Variants in LARS2 observed in about 807,000 individuals in gnomAD.
The protein encoded by LARS2 is leucine--tRNA ligase, mitochondrial.
Under a neutral mutation model 116.6 loss-of-function variants are expected in LARS2, and 81 were observed. The ratio of observed to expected loss-of-function variants is 0.69; its 90% CI spans 0.58 to 0.84. The LOEUF (loss-of-function observed/expected upper bound fraction) is 0.84. Among genes scored for constraint, LARS2 ranks in the 40% least tolerant of loss-of-function variants. LARS2 has a pLI of 0.00. For synonymous variants in LARS2, 396 were observed against 407.2 expected (o/e 0.97, Z 0.33); for missense variants, 968 against 1,114.5 (o/e 0.87, Z 1.87).
Position 45,440,569 on chromosome 3 carries a change from C to A in LARS2, c.517-6322C>A, listed in dbSNP as rs146079378. Among the ~76,000 whole-genome samples the A allele has an allele frequency of 7.7e-3, 1,142 of 149,090 alleles. 56 individuals carry two copies. The highest frequency in any genetic ancestry group is 0.064 in the Admixed American group (957 of 14,974). Reference sequence around the variant, plus strand: ...ATGATTGACTTGATAAACATGTTGCCTCGGGTTTTTTGTTTTGTTTTGTTT... The same window carrying A: ...ATGATTGACTTGATAAACATGTTGCATCGGGTTTTTTGTTTTGTTTTGTTT... On this transcript the variant is annotated intron_variant, in intron 6 of 21. Coordinates refer to ENST00000645846, the MANE Select transcript of LARS2 (RefSeq NM_015340.4).
intron 6 of LARS2, among the ~76,000 whole-genome samples, chr3:45,444,171 A>ATT (rs71095037): frequency 0.45 from 59,057 of 131,966 alleles, 15,837 homozygotes; most frequent in East Asian, 0.69. Context: ...TTCCTGGCTA[A>ATT]TTTTTTTTTT....
chr3:45,411,704 T>A (rs907794079), intron 4 of LARS2, among the ~76,000 whole-genome samples: 4 of 152,250 alleles, frequency 2.6e-5, no homozygotes, highest in East Asian at 1.9e-4. Context: ...TTAACTTTTT[T>A]AAAAAATTTA....
At chr3:45,442,647 G>C (rs977046526) in intron 6 of LARS2, among the ~76,000 whole-genome samples, 1 of 152,086 alleles carries the variant, frequency 6.6e-6, no homozygotes, top group Non-Finnish European at 1.5e-5. Flanking sequence ...GTTGGTCTCC[G>C]AGTTGGTAGA....
chr3:45,425,306 T>C (rs751184411), intron 6 of LARS2, among the ~76,000 whole-genome samples: 6 of 152,206 alleles, frequency 3.9e-5, no homozygotes, highest in Non-Finnish European at 7.3e-5. Context: ...TGAGGGGGAC[T>C]AGTGTATCAA....
At chr3:45,465,087 C>T (rs563691638) in intron 8 of LARS2, among the ~76,000 whole-genome samples, 1 of 152,220 alleles carries the variant, frequency 6.6e-6, no homozygotes, top group African/African-American at 2.4e-5. Context: ...ACCCTCAGAG[C>T]CCTCAGCCTC....
intron 19 of LARS2, among the ~76,000 whole-genome samples, chr3:45,522,667 T>C (rs147418064): frequency 6.6e-5 from 10 of 152,114 alleles, no homozygotes; most frequent in Non-Finnish European, 1.5e-4. Context: ...CTTAAACCTG[T>C]AGGCAGAGGT....
At chr3:45,395,020 A>C (rs1023366400) in intron 3 of LARS2, among the ~76,000 whole-genome samples, 1 of 152,172 alleles carries the variant, frequency 6.6e-6, no homozygotes, top group African/African-American at 2.4e-5. Flanking sequence ...CTAGAGCAAC[A>C]TTTACTGGGG....
intron 15 of LARS2, among the ~76,000 whole-genome samples, chr3:45,501,018 A>G (rs1700109226): frequency 6.6e-6 from 1 of 151,746 alleles, no homozygotes; most frequent in Non-Finnish European, 1.5e-5. Flanking sequence ...TAAAAACATC[A>G]GTAAATTCTT....
At chr3:45,448,697 T>A (rs780709112) in intron 7 of LARS2, among the ~76,000 whole-genome samples, 1 of 152,218 alleles carries the variant, frequency 6.6e-6, no homozygotes, top group African/African-American at 2.4e-5. Context: ...AAGGAATAGG[T>A]TGGGCTAGTT....
At chr3:45,500,315 TA>T in intron 14 of LARS2, 126 bp from the exon 15 acceptor site, 5 of 1,024,162 alleles carry the variant, frequency 4.9e-6, no homozygotes, top group African/African-American at 1.7e-5. Context: ...TCTTATATTT[TA>T]AAAAAATCAT....
At chr3:45,495,567 G>A (rs909476457) in intron 13 of LARS2, 34 of 152,114 alleles carry the variant, frequency 2.2e-4, no homozygotes, top group African/African-American at 8.2e-4. Flanking sequence ...CCTATATTTG[G>A]TTCTCATTTG....
chr3:45,476,583 G>A lies in LARS2; in HGVS notation c.974G>A (p.Ser325Asn). The change falls in exon 10 of 22, where the codon AGC (serine) becomes AAC (asparagine). Residue 325 changes from serine (S) to asparagine (N), a missense_variant. Ser to Asn is a conservative substitution (Grantham distance 46). Coordinates refer to ENST00000645846, the MANE Select transcript of LARS2 (RefSeq NM_015340.4). ...SPSHRLLHGH[S>N]SLKEALRMAL... The stretch of plus-strand genomic sequence containing the variant: ...AGCCACAGACTCCTACATGGGCACA[G>A]CTCTCTGAAGGAAGCCTTGAGGATG... 6.2e-7 allele frequency: 1 copy of A among 1,614,170 alleles called. No individual in the cohort carries two copies. Among genetic ancestry groups the A allele is most frequent in the Non-Finnish European group, 8.5e-7 (1 of 1,180,016 alleles).
chr3:45,498,504 G>T (rs543624259), intron 14 of LARS2, among the ~76,000 whole-genome samples: 31 of 152,276 alleles, frequency 2.0e-4, no homozygotes, highest in African/African-American at 6.7e-4. Flanking sequence ...AATTTTATCA[G>T]AATTCTGGTA....
At position 45,520,261 on chromosome 3, in the gene LARS2, A is replaced by G. The variant is rs138699045; in HGVS notation, c.2257A>G (p.Ile753Val). The G allele has an allele frequency of 2.8e-5, 45 of 1,613,728 alleles. No individual in the cohort carries two copies. In the African/African-American group the frequency reaches 3.6e-4, roughly 13 times the overall value. Residue 753 changes from isoleucine to valine, a missense_variant, in exon 19 of 22, where the codon ATT becomes GTT. By Grantham distance (29) the Ile-to-Val change is conservative (BLOSUM62 3). Transcript: ENST00000645846. Reference sequence around the variant, plus strand: ...AGAGGACTTCTCACTGAATTCTGCAATTTCTCAGCTGATGGGACTCAGCAA... The same window carrying G: ...AGAGGACTTCTCACTGAATTCTGCAGTTTCTCAGCTGATGGGACTCAGCAA... ...FTEDFSLNSAISQLMGLSNAL... is the reference protein window; with the variant it reads ...FTEDFSLNSAVSQLMGLSNAL...
At chr3:45,389,322 A>G (rs947989441) in intron 1 of LARS2, among the ~76,000 whole-genome samples, 4 of 151,968 alleles carry the variant, frequency 2.6e-5, no homozygotes, top group Non-Finnish European at 5.9e-5. Flanking sequence ...GTCAAAACTT[A>G]GATCATCCCA....
chr3:45,470,825 C>T (rs771995656), intron 8 of LARS2, among the ~76,000 whole-genome samples: 6 of 152,030 alleles, frequency 3.9e-5, no homozygotes, highest in Admixed American at 6.5e-5. Flanking sequence ...TCAACTCTTA[C>T]ATATTGGGTT....
In LARS2 at chr3:45,415,856, AAAAAATAT is replaced by A. The variant is rs1305162151; in HGVS notation, c.364-1624_364-1617del. Among the ~76,000 whole-genome samples, 385 of 106,636 alleles carry A rather than the reference AAAAAATAT, an allele frequency of 3.6e-3. 17 individuals carry two copies. The highest frequency in any genetic ancestry group is 0.018 in the African/African-American group (363 of 19,732). 70.0% of individuals were successfully genotyped at this position (106,636 alleles called of 152,430 possible). A position where few individuals can be genotyped will look rare whatever the true frequency, so the allele number is the denominator to read the frequency against. On this transcript the variant is annotated intron_variant, in intron 4 of 21. Coordinates refer to ENST00000645846, the MANE Select transcript of LARS2 (RefSeq NM_015340.4). ...GAGCAAGACTCCATCTCAAAAAAAA[AAAAAATAT>A]ATATATATATATAGAGAGAGAGAGA...
At chr3:45,517,449 G>A (rs1700385036) in intron 17 of LARS2, among the ~76,000 whole-genome samples, 1 of 152,228 alleles carries the variant, frequency 6.6e-6, no homozygotes, top group Admixed American at 6.5e-5. Context: ...TTGTGCCAAT[G>A]CACTTCACAC....
intron 16 of LARS2, among the ~76,000 whole-genome samples, chr3:45,514,806 C>A (rs1050305296): frequency 2.0e-5 from 3 of 152,196 alleles, no homozygotes; most frequent in Non-Finnish European, 4.4e-5. Flanking sequence ...TAGACACAGC[C>A]TGGGGCAGGG....
Sources: gnomAD v4.1 joint callset for allele counts (sites outside exome capture counted in the v4.1 genomes callset) on GRCh38, gnomAD v4.1.1 for gene constraint, MANE v1.5 for transcripts, NCBI Gene and HGNC (gene_info 2026-07-23, HGNC 2026-07-21) for gene names.